Variants in ULK4 observed in about 807,000 individuals in gnomAD.
ULK4 encodes the protein unc-51 like kinase 4, also known as inactive serine/threonine-protein kinase ULK4.
A neutral mutation model predicts 160.6 loss-of-function variants in ULK4; 133 were observed. The ratio of observed to expected loss-of-function variants is 0.83; its 90% CI spans 0.72 to 0.96. ULK4 has a LOEUF of 0.96. ULK4 is among the 40% of genes least tolerant of loss of function. The pLI is 0.00. For missense variants in ULK4, 1,580 were observed against 1,499.5 expected (o/e 1.05, Z -0.89); for synonymous variants, 534 against 539.8 (o/e 0.99, Z 0.15).
At chr3:41,659,386 T>C (rs900018276) in intron 30 of ULK4, among the ~76,000 whole-genome samples, 6 of 152,114 alleles carry the variant, frequency 3.9e-5, no homozygotes, top group African/African-American at 1.4e-4. Context: ...AGAAGAGGAT[T>C]TGGTTTGAAA....
chr3:41,270,577 C>A (rs945826088), intron 35 of ULK4, among the ~76,000 whole-genome samples: 2 of 152,128 alleles, frequency 1.3e-5, no homozygotes, highest in Non-Finnish European at 2.9e-5. Flanking sequence ...TCCAAGGTGG[C>A]TTTAGAGGCA....
intron 32 of ULK4, among the ~76,000 whole-genome samples, chr3:41,484,713 A>C (rs1295575973): frequency 6.6e-6 from 1 of 151,974 alleles, no homozygotes; most frequent in Non-Finnish European, 1.5e-5. Context: ...TGGCCTCCCA[A>C]AGTGCTGGGA....
intron 18 of ULK4, among the ~76,000 whole-genome samples, chr3:41,824,379 G>A (rs553627033): frequency 1.1e-4 from 17 of 152,116 alleles, no homozygotes; most frequent in East Asian, 1.9e-4. Context: ...TTGCCTCACC[G>A]GGGAAGCGCA....
chr3:41,527,407 A>G (rs2086156761), intron 32 of ULK4, among the ~76,000 whole-genome samples: 2 of 152,238 alleles, frequency 1.3e-5, no homozygotes, highest in Non-Finnish European at 2.9e-5. Flanking sequence ...TGCTTTACCC[A>G]TATCAACTTG....
intron 35 of ULK4, among the ~76,000 whole-genome samples, chr3:41,383,621 A>T (rs2081727446): frequency 6.6e-6 from 1 of 152,204 alleles, no homozygotes; most frequent in Non-Finnish European, 1.5e-5. Context: ...TACTATTATT[A>T]GAACCAGATA....
intron 32 of ULK4, among the ~76,000 whole-genome samples, chr3:41,480,905 A>G (rs749859460): frequency 1.3e-5 from 2 of 152,192 alleles, no homozygotes; most frequent in Admixed American, 6.5e-5. Context: ...CACTATCATG[A>G]GAACAGCCTG....
chr3:41,559,122 C>A (rs1424303888), intron 32 of ULK4, among the ~76,000 whole-genome samples: 1 of 149,376 alleles, frequency 6.7e-6, no homozygotes, highest in African/African-American at 2.5e-5. Context: ...TGAGAATATG[C>A]AGTGTTTGGT....
chr3:41,641,165 T>A (rs932572746), intron 30 of ULK4, among the ~76,000 whole-genome samples: 1 of 152,174 alleles, frequency 6.6e-6, no homozygotes. Flanking sequence ...ATACGCAATA[T>A]CCATTGTCAC....
chr3:41,476,432 G>C (rs2084145777), intron 32 of ULK4, among the ~76,000 whole-genome samples: 1 of 152,160 alleles, frequency 6.6e-6, no homozygotes, highest in South Asian at 2.1e-4. Context: ...CCAAAGAGAT[G>C]CAGGGAAGTT....
At chr3:41,843,838 T>C (rs1412998961) in intron 17 of ULK4, among the ~76,000 whole-genome samples, 1 of 152,050 alleles carries the variant, frequency 6.6e-6, no homozygotes, top group Admixed American at 6.5e-5. Context: ...AGCCGAGTGG[T>C]CTGTTTTGGC....
At chr3:41,344,722 C>T (rs1049526588) in intron 35 of ULK4, among the ~76,000 whole-genome samples, 3 of 140,498 alleles carry the variant, frequency 2.1e-5, no homozygotes, top group African/African-American at 5.4e-5. Context: ...TATTGTACTC[C>T]ATCCTGGGTA....
At chr3:41,680,411 G>C (rs2035883734) in intron 29 of ULK4, among the ~76,000 whole-genome samples, 1 of 152,124 alleles carries the variant, frequency 6.6e-6, no homozygotes, top group Non-Finnish European at 1.5e-5. Context: ...TCAAGCTCCA[G>C]TCAGTCAAGA....
chr3:41,551,948 G>C (rs1389421114), intron 32 of ULK4, among the ~76,000 whole-genome samples: 1 of 151,962 alleles, frequency 6.6e-6, no homozygotes, highest in Admixed American at 6.6e-5. Flanking sequence ...GGGACACAAG[G>C]ATGGTTCAAC....
chr3:41,584,927 A>G (rs1273085348), intron 31 of ULK4, among the ~76,000 whole-genome samples: 1 of 152,160 alleles, frequency 6.6e-6, no homozygotes, highest in East Asian at 1.9e-4. Context: ...AGAATAAAAT[A>G]TTTAGAAATA....
At chr3:41,860,332 TC>T in intron 17 of ULK4, among the ~76,000 whole-genome samples, 1 of 152,270 alleles carries the variant, frequency 6.6e-6, no homozygotes, top group Admixed American at 6.5e-5. Context: ...GTTTGAAGTC[TC>T]CAGCCATTAT....
intron 30 of ULK4, among the ~76,000 whole-genome samples, chr3:41,629,254 C>A (rs574508770): frequency 6.6e-6 from 1 of 152,146 alleles, no homozygotes; most frequent in Non-Finnish European, 1.5e-5. Context: ...GGGATGGGAA[C>A]AGCTGGGGGT....
intron 32 of ULK4, among the ~76,000 whole-genome samples, chr3:41,467,497 T>C (rs536498465): frequency 2.0e-4 from 30 of 152,264 alleles, no homozygotes; most frequent in African/African-American, 6.5e-4. Flanking sequence ...ACTGCACTCC[T>C]GCCTGGGTGA....
At chr3:41,832,851 A>G (rs7616844) in intron 18 of ULK4, among the ~76,000 whole-genome samples, 48,005 of 151,978 alleles carry the variant, frequency 0.32, 11,161 homozygotes, top group African/African-American at 0.66. Flanking sequence ...TTGTAGATGT[A>G]TGGGTTATTT....
At chr3:41,377,916 C>A (rs1215275122) in intron 35 of ULK4, among the ~76,000 whole-genome samples, 1 of 150,600 alleles carries the variant, frequency 6.6e-6, no homozygotes, top group Non-Finnish European at 1.5e-5. Flanking sequence ...TATAAAGACA[C>A]ATGCACATGT....
Sources: allele counts gnomAD v4.1 joint callset (sites outside exome capture counted in the v4.1 genomes callset), GRCh38; gene constraint gnomAD v4.1.1; transcripts MANE v1.5; gene names NCBI Gene and HGNC (gene_info 2026-07-23, HGNC 2026-07-21).